SET: variants seen among roughly 807,000 people sequenced by gnomAD.
SET encodes protein SET.
In SET, 4 loss-of-function variants were observed where a neutral mutation model predicts 39.0. The ratio of observed to expected loss-of-function variants is 0.10; its 90% CI spans 0.05 to 0.23. The LOEUF (loss-of-function observed/expected upper bound fraction) is 0.23, where lower values mean the gene tolerates loss of function less well. Ranked by LOEUF, SET falls within the 10% of genes least tolerant of loss-of-function variation. The pLI is 1.00. For synonymous variants in SET, 114 were observed against 115.9 expected (o/e 0.98, Z 0.11); for missense variants, 137 against 329.7 (o/e 0.42, Z 4.53).
chr9:128,692,312 G>A (rs904588443), intron 3 of SET: 25 of 256,260 alleles, frequency 9.8e-5, no homozygotes, highest in Middle Eastern at 1.3e-3. Flanking sequence ...CAGGAGAATC[G>A]CTTGAACCCA....
chr9:128,689,634 G>T lies in SET; in HGVS notation c.52G>T (p.Asp18Tyr). ...TAAAAAGGAGCTCAACTCCAACCAC[G>T]ACGGGGCCGACGAGACCTCAGGTGA... ...VSKKELNSNH[D>Y]GADETSEKEQ... The change falls in exon 1 of 8, where the codon GAC becomes TAC. Residue 18 changes from aspartate to tyrosine, a missense_variant. Asp to Tyr is a radical substitution (Grantham distance 160). This residue lies in a region of SET where 34 missense variants were observed against 29.5 expected (regional missense o/e 1.15). Transcript: ENST00000322030. 2 of 1,325,908 alleles carry T rather than the reference G, an allele frequency of 1.5e-6. No homozygotes were observed. Among genetic ancestry groups the T allele is most frequent in the Non-Finnish European group, 2.0e-6 (2 of 1,012,888 alleles). 82.1% of individuals were successfully genotyped at this position (1,325,908 alleles called of 1,614,324 possible).
At chr9:128,692,095 G>A in intron 3 of SET, 95 bp downstream of exon 3, 4 of 1,453,842 alleles carry the variant, frequency 2.8e-6, no homozygotes, top group Non-Finnish European at 3.8e-6. Flanking sequence ...TGGGTTGCGT[G>A]CAACAAAGAC....
chr9:128,691,934 A>G lies in SET; in HGVS notation c.208A>G (p.Lys70Glu). 2 of 1,613,806 alleles carry G rather than the reference A, an allele frequency of 1.2e-6. No homozygotes were observed. The highest frequency in any genetic ancestry group is 1.7e-6 in the Non-Finnish European group (2 of 1,179,838). Residue 70 changes from lysine to glutamate, a missense_variant, in exon 3 of 8, where the codon AAG (lysine) becomes GAG (glutamate). Lys to Glu is a moderately conservative substitution (Grantham distance 56). Coordinates refer to ENST00000322030, the MANE Select transcript of SET (RefSeq NM_003011.4). ...CAAACTCCGCCAACCATTTTTTCAG[A>G]AGAGGTCAGAATTGATCGCCAAAAT... ...YNKLRQPFFQ[K>E]RSELIAKIPN...
Position 128,692,771 on chromosome 9 carries a change from T to C in SET, c.378+6T>C, listed in dbSNP as rs758915925. 1.9e-6 allele frequency: 3 copies of C among 1,575,610 alleles called. No homozygotes were observed. The highest frequency in any genetic ancestry group is 2.2e-5 in the East Asian group (1 of 44,660). On this transcript the variant is annotated splice_donor_region_variant and intron_variant, in intron 4 of 7. Transcript: ENST00000322030. The stretch of plus-strand genomic sequence containing the variant: ...CAGGTTACAGAATAGATTTTGTAAG[T>C]ATCTCTAACTTAATCTTGTTTGCCA...
chr9:128,688,401 T>A (rs2132240327), upstream of SET, among the ~76,000 whole-genome samples: 1 of 152,264 alleles, frequency 6.6e-6, no homozygotes, highest in South Asian at 2.1e-4. Context: ...CCCTTTCATC[T>A]CTATGAACAG....
At chr9:128,692,558 C>G (rs1326322309) in intron 3 of SET, 104 bp from the exon 4 acceptor site, 5 of 735,608 alleles carry the variant, frequency 6.8e-6, no homozygotes, top group Non-Finnish European at 1.2e-5. Flanking sequence ...GTTTATAAAA[C>G]CAAAGATGCT....
At position 128,696,065 on chromosome 9, in the gene SET, CTG is replaced by C. The variant is rs1861728358; in HGVS notation, c.*1402_*1403del. 8.9e-6 allele frequency: 2 copies of C among 223,656 alleles called. No homozygotes were observed. The allele number at this position is 223,656 out of a possible 1,614,324, so 13.9% of individuals were successfully genotyped here. A position where few individuals can be genotyped will look rare whatever the true frequency, so the allele number is the denominator to read the frequency against. ...AGCTCTCAAATGTGACCATGTGAAT[CTG>C]GGTGGGATAATGGACTCAGCTCTGT... On this transcript the variant is annotated 3_prime_UTR_variant, in exon 8 of 8. Coordinates refer to ENST00000322030, the MANE Select transcript of SET (RefSeq NM_003011.4).
chr9:128,693,233 CAAAA>C (rs1024026081), intron 5 of SET, among the ~76,000 whole-genome samples: 4 of 150,200 alleles, frequency 2.7e-5, no homozygotes, highest in South Asian at 2.1e-4. Context: ...TTCCAAAAAA[CAAAA>C]AAAAAGAGAA....
chr9:128,690,814 A>G (rs956422803), intron 1 of SET: 41 of 243,930 alleles, frequency 1.7e-4, no homozygotes, highest in African/African-American at 9.2e-4. Flanking sequence ...AGCAGCTGCT[A>G]CTGTTCTCTT....
At chr9:128,689,143 A>G, upstream of SET, 2 of 429,242 alleles carry the variant, frequency 4.7e-6, no homozygotes, top group Non-Finnish European at 6.2e-6. Flanking sequence ...GCCCAGGCCA[A>G]TGGCGCCGCG....
chr9:128,688,824 G>A (rs1861377120), upstream of SET, among the ~76,000 whole-genome samples: 1 of 152,216 alleles, frequency 6.6e-6, no homozygotes, highest in African/African-American at 2.4e-5. Flanking sequence ...GAGAGGCCGG[G>A]CGGAATTCGG....
At chr9:128,694,608 T>C (rs1486180529) in intron 7 of SET, 33 bp from the exon 8 acceptor site, 1 of 1,522,618 alleles carries the variant, frequency 6.6e-7, no homozygotes, top group Non-Finnish European at 9.0e-7. Flanking sequence ...TCAGCATTAA[T>C]CCTGAAGATT....
At chr9:128,694,243 T>TGGA in intron 7 of SET, among the ~76,000 whole-genome samples, 1 of 151,608 alleles carries the variant, frequency 6.6e-6, no homozygotes, top group East Asian at 1.9e-4. Context: ...TTTTTGGTTT[T>TGGA]TTTTTGGGTT....
upstream of SET, among the ~76,000 whole-genome samples, chr9:128,687,982 C>T (rs1357165918): frequency 6.6e-6 from 1 of 152,142 alleles, no homozygotes; most frequent in African/African-American, 2.4e-5. Flanking sequence ...TTTGGGAGGA[C>T]GAGGTGAGTG....
upstream of SET, among the ~76,000 whole-genome samples, chr9:128,686,153 G>C (rs1021927762): frequency 2.0e-5 from 3 of 152,218 alleles, no homozygotes; most frequent in African/African-American, 7.2e-5. Flanking sequence ...GGAGAGAGCA[G>C]AGTCCTAAGA....
In SET at chr9:128,689,527, C is replaced by G; in HGVS notation, c.-56C>G. 4.5e-6 allele frequency: 4 copies of G among 896,816 alleles called. No individual in the cohort carries two copies. Among genetic ancestry groups the G allele is most frequent in the Admixed American group, 7.3e-5 (2 of 27,292 alleles). The allele number at this position is 896,816 out of a possible 1,614,324, so 55.6% of individuals were successfully genotyped here. Reference sequence around the variant, plus strand: ...TGAGGGGAAGCCGCTTGCCCGCCCCCTTCGCCTTCCCTTCTCTCCCCCTCC... The same window carrying G: ...TGAGGGGAAGCCGCTTGCCCGCCCCGTTCGCCTTCCCTTCTCTCCCCCTCC... On this transcript the variant is annotated 5_prime_UTR_variant, in exon 1 of 8. Transcript: ENST00000322030.
At chr9:128,692,561 A>G in intron 3 of SET, 101 bp from the exon 4 acceptor site, 1 of 751,698 alleles carries the variant, frequency 1.3e-6, no homozygotes. Context: ...TATAAAACCA[A>G]AGATGCTCAC....
At chr9:128,684,840 C>A (rs974405789), upstream of SET, among the ~76,000 whole-genome samples, 1 of 152,154 alleles carries the variant, frequency 6.6e-6, no homozygotes, top group African/African-American at 2.4e-5. Context: ...GCTGCCTCAC[C>A]CTCTTGTCAT....
At position 128,693,646 on chromosome 9, in the gene SET, G is replaced by A. The variant is rs765701223; in HGVS notation, c.501G>A (p.Thr167=). The A allele has an allele frequency of 8.9e-5, 143 of 1,610,182 alleles. No individual in the cohort carries two copies. The highest frequency in any genetic ancestry group is 1.1e-4 in the Non-Finnish European group (134 of 1,178,564). Residue 167 remains threonine, a synonymous_variant, in exon 6 of 8, where the codon ACG becomes ACA. Coordinates refer to ENST00000322030, the MANE Select transcript of SET (RefSeq NM_003011.4). ...TTCCGGTATTCATTTAGGATTTGAC[G>A]AAACGTTCGAGTCAAACGCAGAATA... ...EIKWKSGKDL[T]KRSSQTQNKA...
Sources: allele counts gnomAD v4.1 joint callset (sites outside exome capture counted in the v4.1 genomes callset), GRCh38; gene constraint gnomAD v4.1.1; regional missense constraint gnomAD v4.1.1; transcripts MANE v1.5; gene names NCBI Gene and HGNC (gene_info 2026-07-23, HGNC 2026-07-21).